Variants in CATSPERT observed in about 807,000 individuals in gnomAD.
CATSPERT encodes cation channel sperm-associated targeting subunit tau.
chr2:201,506,843 G>A, the CATSPERT span, among the ~76,000 whole-genome samples: 29 of 152,248 alleles, frequency 1.9e-4, no homozygotes, highest in African/African-American at 5.8e-4. Context: ...GTGAGCCACC[G>A]CGCCCAGCCC....
chr2:201,581,548 G>GTA, the CATSPERT span, among the ~76,000 whole-genome samples: 233 of 9,626 alleles, frequency 0.024, 5 homozygotes, highest in Middle Eastern at 0.1. Flanking sequence ...AAAAATGTGT[G>GTA]TATATATATA....
chr2:201,488,983 T>C, the CATSPERT span, among the ~76,000 whole-genome samples: 406 of 152,300 alleles, frequency 2.7e-3, 3 homozygotes, highest in African/African-American at 9.0e-3. Flanking sequence ...ATAACTTGAT[T>C]ACTGGAGTGG....
At chr2:201,491,189 T>C in the CATSPERT span, 5 of 1,532,230 alleles carry the variant, frequency 3.3e-6, no homozygotes, top group Admixed American at 2.0e-5. Context: ...CTTCTTGCAG[T>C]CCAGTGAAGC....
At chr2:201,544,883 G>C in the CATSPERT span, among the ~76,000 whole-genome samples, 2 of 150,586 alleles carry the variant, frequency 1.3e-5, no homozygotes, top group East Asian at 3.9e-4. Flanking sequence ...TGTAGTCCCA[G>C]CTACTTGGGA....
the CATSPERT span, chr2:201,575,377 T>C: frequency 2.9e-5 from 42 of 1,464,442 alleles, no homozygotes; most frequent in Non-Finnish European, 2.0e-5. Flanking sequence ...TGTATTTCCC[T>C]GTATATTATC....
the CATSPERT span, among the ~76,000 whole-genome samples, chr2:201,590,639 C>T: frequency 6.6e-6 from 1 of 152,288 alleles, no homozygotes; most frequent in South Asian, 2.1e-4. Flanking sequence ...ACATCCTCTC[C>T]AGCACTTGTT....
the CATSPERT span, chr2:201,491,690 A>G: frequency 1.3e-6 from 2 of 1,536,934 alleles, no homozygotes; most frequent in African/African-American, 2.7e-5. Context: ...ATTCTTGGAT[A>G]CGATGTTAAT....
the CATSPERT span, among the ~76,000 whole-genome samples, chr2:201,497,528 A>T: frequency 2.0e-5 from 3 of 152,242 alleles, no homozygotes; most frequent in Non-Finnish European, 4.4e-5. Flanking sequence ...TTTTTGTAAC[A>T]AAGCAAACAA....
the CATSPERT span, among the ~76,000 whole-genome samples, chr2:201,588,229 A>G: frequency 6.6e-6 from 1 of 152,100 alleles, no homozygotes; most frequent in African/African-American, 2.4e-5. Context: ...ATGAACATTG[A>G]TGCAAAAATC....
At chr2:201,558,964 A>T in the CATSPERT span, among the ~76,000 whole-genome samples, 1 of 152,108 alleles carries the variant, frequency 6.6e-6, no homozygotes, top group South Asian at 2.1e-4. Context: ...CCCAGCCACC[A>T]TACTTCCAGC....
chr2:201,581,441 T>TAG, the CATSPERT span, among the ~76,000 whole-genome samples: 1 of 126,686 alleles, frequency 7.9e-6, no homozygotes, highest in Non-Finnish European at 1.6e-5. Context: ...TTCATATATA[T>TAG]ATATATATAT....
At chr2:201,602,557 GA>G in the CATSPERT span, among the ~76,000 whole-genome samples, 209 of 152,206 alleles carry the variant, frequency 1.4e-3, 5 homozygotes, top group East Asian at 0.037. Context: ...ATGTTTAAAG[GA>G]AGCACACATT....
the CATSPERT span, among the ~76,000 whole-genome samples, chr2:201,552,087 C>A: frequency 2.6e-5 from 4 of 151,188 alleles, no homozygotes; most frequent in African/African-American, 7.3e-5. Context: ...GCTCCACCCC[C>A]CAGGCCCAAG....
the CATSPERT span, chr2:201,491,255 G>C: frequency 1.3e-6 from 2 of 1,537,916 alleles, no homozygotes; most frequent in Middle Eastern, 1.7e-4. Context: ...AGTGTGGTTG[G>C]TAGTATCCTG....
chr2:201,575,196 C>A, the CATSPERT span: 13 of 1,138,474 alleles, frequency 1.1e-5, no homozygotes, highest in East Asian at 3.5e-4. Flanking sequence ...ATGTAGGCTA[C>A]AAATAATATC....
chr2:201,538,727 G>A, the CATSPERT span, among the ~76,000 whole-genome samples: 1 of 152,162 alleles, frequency 6.6e-6, no homozygotes, highest in African/African-American at 2.4e-5. Flanking sequence ...AGGTAAACGT[G>A]TGTCATGGGG....
At chr2:201,565,699 T>C in the CATSPERT span, 3 of 1,468,438 alleles carry the variant, frequency 2.0e-6, no homozygotes, top group Non-Finnish European at 2.7e-6. Flanking sequence ...TTTTGAGCTC[T>C]TTTGAATTTT....
At chr2:201,601,638 TTG>T in the CATSPERT span, 3 of 1,145,618 alleles carry the variant, frequency 2.6e-6, no homozygotes, top group South Asian at 4.8e-5. Flanking sequence ...CTTACTGCTT[TTG>T]TTTCTTTTCT....
chr2:201,606,414 G>C, the CATSPERT span, among the ~76,000 whole-genome samples: 1 of 152,228 alleles, frequency 6.6e-6, no homozygotes. Flanking sequence ...GGAAGGTCAA[G>C]CCAAGGATTT....
Sources: allele counts gnomAD v4.1 joint callset (sites outside exome capture counted in the v4.1 genomes callset), GRCh38; gene constraint gnomAD v4.1.1; transcripts MANE v1.5; gene names NCBI Gene and HGNC (gene_info 2026-07-23, HGNC 2026-07-21).